Variants in PRH1 observed in about 807,000 individuals in gnomAD.
PRH1 encodes proline rich protein HaeIII subfamily 1.
Under a neutral mutation model 7.9 loss-of-function variants are expected in PRH1, and 7 were observed. That is an observed-to-expected ratio of 0.89 (90% CI 0.50 to 1.67). PRH1 has a LOEUF of 1.67. Ranked by LOEUF, PRH1 falls within the 40% of genes most tolerant of loss-of-function variation. The probability of loss-of-function intolerance (pLI) is 0.00; values close to 1 mark genes in which losing one functional copy is unlikely to be tolerated. For synonymous variants in PRH1, 45 were observed against 80.8 expected (o/e 0.56, Z 2.38); for missense variants, 109 against 223.6 (o/e 0.49, Z 3.27).
chr12:11,115,261 A>G (rs776694631), intron 1 of PRH1, among the ~76,000 whole-genome samples: 3 of 152,196 alleles, frequency 2.0e-5, no homozygotes, highest in Non-Finnish European at 4.4e-5. Flanking sequence ...CTATACAAGT[A>G]TTAGACAAAA....
intron 1 of PRH1, among the ~76,000 whole-genome samples, chr12:11,142,614 A>G (rs1946732812): frequency 6.6e-6 from 1 of 152,182 alleles, no homozygotes; most frequent in Non-Finnish European, 1.5e-5. Context: ...TTCTCAACAA[A>G]CAATGCCAGG....
At chr12:11,061,839 A>G (rs776395658) in intron 1 of PRH1, 5 of 1,614,114 alleles carry the variant, frequency 3.1e-6, no homozygotes, top group Non-Finnish European at 3.4e-6. Flanking sequence ...TTGTCCATAT[A>G]ATCTGATTCA....
rs149062854 is a variant in PRH1 at position 11,007,686 on chromosome 12, C to T, written c.-125-33965G>A. Among the ~76,000 whole-genome samples the T allele has an allele frequency of 2.4e-4, 37 of 152,104 alleles. No homozygotes were observed. In the East Asian group the frequency reaches 3.7e-3, roughly 15 times the overall value. On this transcript the variant is annotated intron_variant, in intron 1 of 3. Transcript: ENST00000539853. ...ACTGGAAATTAGTAAATTTTGTATA[C>T]GTCTTTGAGATGGCTTCCACATTGG...
At chr12:11,141,057 A>G (rs1181130175) in intron 1 of PRH1, among the ~76,000 whole-genome samples, 1 of 152,164 alleles carries the variant, frequency 6.6e-6, no homozygotes, top group East Asian at 1.9e-4. Flanking sequence ...ACACTCACAC[A>G]CATACACACA....
intron 1 of PRH1, among the ~76,000 whole-genome samples, chr12:11,006,964 C>T (rs1199871956): frequency 6.6e-6 from 1 of 152,034 alleles, no homozygotes; most frequent in African/African-American, 2.4e-5. Flanking sequence ...CAAAAAAAGA[C>T]ATATTCTTTT....
At chr12:10,889,034 CAT>C (rs1949534103), upstream of PRH1, among the ~76,000 whole-genome samples, 1 of 152,192 alleles carries the variant, frequency 6.6e-6, no homozygotes, top group African/African-American at 2.4e-5. Context: ...CTGGTTAAAA[CAT>C]ATGAAGAAAA....
At chr12:10,889,799 T>C (rs1949544787) in intron 2 of PRH1, among the ~76,000 whole-genome samples, 1 of 152,172 alleles carries the variant, frequency 6.6e-6, no homozygotes, top group Admixed American at 6.5e-5. Flanking sequence ...CTATTTATCA[T>C]GCCCAATAAA....
intron 1 of PRH1, among the ~76,000 whole-genome samples, chr12:11,067,723 C>T (rs957500187): frequency 1.3e-5 from 2 of 151,996 alleles, no homozygotes; most frequent in African/African-American, 2.4e-5. Flanking sequence ...ATTAGCAGGG[C>T]GTGGTGGTGC....
At chr12:11,154,596 T>C (rs1249415479) in intron 1 of PRH1, among the ~76,000 whole-genome samples, 3 of 152,096 alleles carry the variant, frequency 2.0e-5, no homozygotes, top group Non-Finnish European at 2.9e-5. Flanking sequence ...TGAACAAAGG[T>C]TGTCTTATTA....
intron 1 of PRH1, chr12:11,030,913 A>G (rs12370363): frequency 0.22 from 357,309 of 1,608,534 alleles, 27,115 homozygotes; most frequent in Non-Finnish European, 0.23. Flanking sequence ...AAAGTTGACA[A>G]GCCAAAAATA....
intron 1 of PRH1, among the ~76,000 whole-genome samples, chr12:11,037,367 G>C (rs2597979): frequency 0.71 from 108,472 of 152,018 alleles, 39,882 homozygotes; most frequent in East Asian, 0.89. Context: ...TGTTTTATAC[G>C]TTAAAAAATT....
intron 1 of PRH1, among the ~76,000 whole-genome samples, chr12:11,000,133 T>C (rs1327688167): frequency 4.6e-5 from 7 of 152,140 alleles, no homozygotes; most frequent in Admixed American, 4.6e-4. Flanking sequence ...AAAAATAATT[T>C]ATCTAAATTT....
intron 2 of PRH1, among the ~76,000 whole-genome samples, chr12:10,912,123 T>C (rs1253104573): frequency 6.6e-6 from 1 of 152,200 alleles, no homozygotes; most frequent in African/African-American, 2.4e-5. Flanking sequence ...AGATCATTTA[T>C]TCAATTGCTG....
rs559089079 is a variant in PRH1 at position 11,126,638 on chromosome 12, C to T, written n.40-5458G>A. 2.8e-5 allele frequency among the ~76,000 whole-genome samples: 4 copies of T among 141,582 alleles called. No homozygotes were observed. In the South Asian group the frequency reaches 9.4e-4, roughly 33 times the overall value. 92.9% of individuals were successfully genotyped at this position (141,582 alleles called of 152,430 possible). On this transcript the variant is annotated intron_variant and non_coding_transcript_variant, in intron 1 of 1. Coordinates refer to the PRH1 transcript ENST00000541175. ...TAGTGGGTCTTCAGATGTGATCCAT[C>T]ATCTTAATCAGATAATGCCATACTC...
At chr12:11,023,565 C>G (rs1336041160) in intron 1 of PRH1, among the ~76,000 whole-genome samples, 1 of 152,188 alleles carries the variant, frequency 6.6e-6, no homozygotes, top group Non-Finnish European at 1.5e-5. Context: ...ACCTTGGACT[C>G]TGAATTCACT....
intron 2 of PRH1, among the ~76,000 whole-genome samples, chr12:10,968,617 C>A (rs1565508217): frequency 6.6e-6 from 1 of 152,218 alleles, no homozygotes; most frequent in Admixed American, 6.5e-5. Context: ...GAGGACATTT[C>A]CCTTACCCCT....
At chr12:10,907,521 G>T (rs1027770843) in intron 2 of PRH1, among the ~76,000 whole-genome samples, 3 of 152,024 alleles carry the variant, frequency 2.0e-5, no homozygotes, top group Non-Finnish European at 4.4e-5. Context: ...GTATGTGTGT[G>T]TGTGTGTGTG....
intron 1 of PRH1, among the ~76,000 whole-genome samples, chr12:11,165,875 T>C (rs1283308311): frequency 1.1e-4 from 17 of 152,348 alleles, no homozygotes; most frequent in African/African-American, 3.8e-4. Flanking sequence ...ACATGCACTA[T>C]AGAGAAGGCT....
chr12:11,049,831 C>T (rs1030574739), upstream of PRH1, among the ~76,000 whole-genome samples: 2 of 152,136 alleles, frequency 1.3e-5, no homozygotes, highest in Non-Finnish European at 2.9e-5. Context: ...TCCTGGGAGG[C>T]CAATACACCT....
Sources: allele counts gnomAD v4.1 joint callset (sites outside exome capture counted in the v4.1 genomes callset), GRCh38; gene constraint gnomAD v4.1.1; transcripts MANE v1.5; gene names NCBI Gene and HGNC (gene_info 2026-07-23, HGNC 2026-07-21).